Variants in PECR observed in about 807,000 individuals in gnomAD.
PECR encodes the protein 2,4-dienoyl-CoA reductase-related protein.
PECR carries 30 observed loss-of-function variants against 35.3 expected under a neutral mutation model. The ratio of observed to expected loss-of-function variants is 0.85; its 90% CI spans 0.64 to 1.15. The LOEUF is 1.15. Among genes scored for constraint, PECR ranks in the 50% most tolerant of loss-of-function variants. PECR has a pLI of 0.00. For missense variants in PECR, 392 were observed against 370.8 expected, an observed-to-expected ratio of 1.06 and a Z score of -0.47; for synonymous variants, 148 against 138.9, an observed-to-expected ratio of 1.07 and a Z score of -0.46.
At chr2:216,047,858 A>G (rs1387044454) in intron 6 of PECR, among the ~76,000 whole-genome samples, 1 of 152,166 alleles carries the variant, frequency 6.6e-6, no homozygotes, top group African/African-American at 2.4e-5. Flanking sequence ...CTCCCCATCA[A>G]GGAATATTAT....
intron 3 of PECR, among the ~76,000 whole-genome samples, chr2:216,059,180 G>T (rs1695285820): frequency 1.3e-5 from 2 of 152,084 alleles, no homozygotes; most frequent in South Asian, 4.1e-4. Context: ...TAAATATACG[G>T]AGTTATGCAA....
intron 7 of PECR, among the ~76,000 whole-genome samples, chr2:216,040,211 G>C (rs115651653): frequency 0.012 from 1,880 of 152,266 alleles, 32 homozygotes; most frequent in African/African-American, 0.043. Context: ...TTACTGATGA[G>C]CCCATTTTGA....
intron 4 of PECR, among the ~76,000 whole-genome samples, chr2:216,057,304 T>C (rs1695248424): frequency 1.3e-5 from 2 of 152,084 alleles, no homozygotes; most frequent in South Asian, 2.1e-4. Flanking sequence ...AACTGGAAAA[T>C]GGTTACACAA....
chr2:216,051,332 T>C, intron 5 of PECR, 117 bp downstream of exon 5: 3 of 742,412 alleles, frequency 4.0e-6, no homozygotes, highest in Non-Finnish European at 7.2e-6. Context: ...TTTATCTATG[T>C]TTTAAAGTCA....
intron 4 of PECR, among the ~76,000 whole-genome samples, chr2:216,052,167 C>G (rs1695128609): frequency 1.3e-5 from 2 of 152,146 alleles, no homozygotes; most frequent in African/African-American, 4.8e-5. Flanking sequence ...GCCTGGGCAA[C>G]AGAATGAGAC....
At position 216,065,012 on chromosome 2, in the gene PECR, GAGTA is replaced by G. The variant is rs561783244; in HGVS notation, c.424+296_424+299del. Among the ~76,000 whole-genome samples the G allele has an allele frequency of 5.2e-4, 79 of 152,294 alleles. No individual in the cohort carries two copies. The Middle Eastern group carries it at 0.01, about 20-fold the overall frequency. On this transcript the variant is annotated intron_variant, in intron 3 of 7. Transcript: ENST00000265322. ...TTTAATAGATTCATTCTTAAAAACAGAGTAAGTGTGAGAGTTTTCTCCAATTTTA... is the reference window on the plus strand; with the variant it reads ...TTTAATAGATTCATTCTTAAAAACAGAGTGTGAGAGTTTTCTCCAATTTTA...
chr2:216,072,976 T>C (rs1254246019), intron 1 of PECR, among the ~76,000 whole-genome samples: 1 of 152,200 alleles, frequency 6.6e-6, no homozygotes, highest in East Asian at 1.9e-4. Flanking sequence ...AATAAGACAA[T>C]TTTAAAAACT....
At chr2:216,068,410 C>T (rs1035533037) in intron 1 of PECR, among the ~76,000 whole-genome samples, 3 of 151,862 alleles carry the variant, frequency 2.0e-5, no homozygotes, top group South Asian at 4.2e-4. Flanking sequence ...AACATCTTTA[C>T]GGTATGGAAA....
downstream of PECR, among the ~76,000 whole-genome samples, chr2:216,037,528 T>C (rs563509431): frequency 1.3e-5 from 2 of 152,224 alleles, no homozygotes; most frequent in Non-Finnish European, 2.9e-5. Context: ...AGAAGGCCAC[T>C]GTTAAAGGGC....
rs1331317120 is a variant in PECR at position 216,038,886 on chromosome 2, A to C, written c.*389T>G. 1 of 217,972 alleles carries C rather than the reference A, an allele frequency of 4.6e-6. No individual in the cohort carries two copies. Among genetic ancestry groups the C allele is most frequent in the Non-Finnish European group, 9.2e-6 (1 of 108,278 alleles). 13.5% of individuals were successfully genotyped at this position (217,972 alleles called of 1,614,324 possible). The stretch of plus-strand genomic sequence containing the variant: ...CTGACCCGCCTACCTCGGCCTCCCA[A>C]AGTGCTGGAATTACAGGCGTGAGCC... On this transcript the variant is annotated 3_prime_UTR_variant, in exon 8 of 8. Coordinates refer to ENST00000265322, the MANE Select transcript of PECR (RefSeq NM_018441.6).
chr2:216,064,124 T>C (rs1695416474), intron 3 of PECR: 1 of 152,198 alleles, frequency 6.6e-6, no homozygotes, highest in Non-Finnish European at 1.5e-5. Context: ...GTATCTTGGA[T>C]TGGTAAGACA....
intron 1 of PECR, among the ~76,000 whole-genome samples, chr2:216,077,806 CAA>C (rs10596402): frequency 0.065 from 4,738 of 73,338 alleles, 210 homozygotes; most frequent in African/African-American, 0.19. Flanking sequence ...GACTCCGTCT[CAA>C]AAAAAAAAAA....
At chr2:216,031,647 A>AAAGAAAG (rs1694703451) in intron 7 of PECR, among the ~76,000 whole-genome samples, 4 of 97,990 alleles carry the variant, frequency 4.1e-5, no homozygotes, top group Non-Finnish European at 2.1e-5. Context: ...AAGGAAGAAG[A>AAAGAAAG]AAAGAAAGAA....
At chr2:216,070,751 A>T (rs974311926) in intron 1 of PECR, among the ~76,000 whole-genome samples, 1 of 152,200 alleles carries the variant, frequency 6.6e-6, no homozygotes, top group Non-Finnish European at 1.5e-5. Context: ...AGGGAGGAGC[A>T]GGTAACATTT....
At chr2:216,074,203 G>C (rs1442180287) in intron 1 of PECR, among the ~76,000 whole-genome samples, 3 of 152,170 alleles carry the variant, frequency 2.0e-5, no homozygotes, top group Non-Finnish European at 4.4e-5. Flanking sequence ...CCAACACTTT[G>C]GGAGGCCAAG....
At chr2:216,045,995 A>G (rs2105946185) in intron 6 of PECR, among the ~76,000 whole-genome samples, 1 of 152,172 alleles carries the variant, frequency 6.6e-6, no homozygotes, top group South Asian at 2.1e-4. Flanking sequence ...TGGCCAGCTT[A>G]GTGAAACACT....
chr2:216,039,116 T>C lies in PECR; in HGVS notation c.*159A>G, dbSNP rs1243357273. 4.9e-6 allele frequency: 3 copies of C among 611,156 alleles called. No homozygotes were observed. Among genetic ancestry groups the C allele is most frequent in the Non-Finnish European group, 5.9e-6 (2 of 339,378 alleles). The allele number at this position is 611,156 out of a possible 1,614,324, so 37.9% of individuals were successfully genotyped here. On this transcript the variant is annotated 3_prime_UTR_variant, in exon 8 of 8. Coordinates refer to ENST00000265322, the MANE Select transcript of PECR (RefSeq NM_018441.6). ...AAAGACTCTGATTGGGACATAAGAC[T>C]GTATATATTTCAGGAATAGTTTTTC...
Position 216,066,442 on chromosome 2 carries a change from AG to A in PECR, c.200del (p.Pro67LeufsTer21). The A allele has an allele frequency of 6.2e-7, 1 of 1,613,530 alleles. No homozygotes were observed. Among genetic ancestry groups the A allele is most frequent in the Non-Finnish European group, 8.5e-7 (1 of 1,179,490 alleles). On this transcript the variant is annotated frameshift_variant, in exon 2 of 8. Coordinates refer to ENST00000265322, the MANE Select transcript of PECR (RefSeq NM_018441.6). LOFTEE classifies it high-confidence loss of function. ...SAADELQANL[P>X]PTKQARVIPI... ...GAATGACTCGTGCCTGCTTTGTGGGAGGTAGGTTGGCCTGCAGTTCATCTGC... is the reference window on the plus strand; with the variant it reads ...GAATGACTCGTGCCTGCTTTGTGGGAGTAGGTTGGCCTGCAGTTCATCTGC...
At chr2:216,071,353 T>G (rs966896882) in intron 1 of PECR, among the ~76,000 whole-genome samples, 26 of 152,338 alleles carry the variant, frequency 1.7e-4, no homozygotes, top group African/African-American at 5.8e-4. Flanking sequence ...CGGGGTAAAC[T>G]TCTCATTGAT....
Sources: allele counts gnomAD v4.1 joint callset (sites outside exome capture counted in the v4.1 genomes callset), GRCh38; gene constraint gnomAD v4.1.1; transcripts MANE v1.5; gene names NCBI Gene and HGNC (gene_info 2026-07-23, HGNC 2026-07-21).